GALNTL6: variants seen among roughly 807,000 people sequenced by gnomAD.
GALNTL6 encodes polypeptide N-acetylgalactosaminyltransferase-like 6.
Under a neutral mutation model 73.7 loss-of-function variants are expected in GALNTL6, and 46 were observed. That is an observed-to-expected ratio of 0.62 (90% CI 0.49 to 0.80). The LOEUF is 0.80. GALNTL6 is among the 30% of genes least tolerant of loss of function. The pLI, the probability that GALNTL6 is intolerant of heterozygous loss-of-function variation, is 0.00. For missense variants in GALNTL6, 604 were observed against 755.0 expected (o/e 0.80, Z 2.34); for synonymous variants, 259 against 263.7 (o/e 0.98, Z 0.17).
chr4:172,226,186 A>C (rs1256231760), intron 2 of GALNTL6, among the ~76,000 whole-genome samples: 1 of 152,154 alleles, frequency 6.6e-6, no homozygotes, highest in Non-Finnish European at 1.5e-5. Context: ...TTTTATTTTC[A>C]TTCTGTCATA....
intron 2 of GALNTL6, among the ~76,000 whole-genome samples, chr4:172,097,673 ATTGT>A (rs1233768237): frequency 6.6e-6 from 1 of 152,214 alleles, no homozygotes; most frequent in Non-Finnish European, 1.5e-5. Context: ...CTCTGAAGTC[ATTGT>A]TTGTTGAGCA....
intron 8 of GALNTL6, 72 bp downstream of exon 8, chr4:172,882,979 C>T: frequency 5.0e-6 from 4 of 798,428 alleles, no homozygotes; most frequent in Non-Finnish European, 8.4e-6. Context: ...CAGCATGTTG[C>T]TCTGTGACCT....
At chr4:171,932,223 C>G (rs779020646) in intron 2 of GALNTL6, among the ~76,000 whole-genome samples, 1 of 152,076 alleles carries the variant, frequency 6.6e-6, no homozygotes, top group African/African-American at 2.4e-5. Context: ...TAATAGAGTA[C>G]CTTTGATGGC....
At chr4:172,678,467 T>A (rs996354527) in intron 5 of GALNTL6, among the ~76,000 whole-genome samples, 3 of 152,084 alleles carry the variant, frequency 2.0e-5, no homozygotes, top group Non-Finnish European at 4.4e-5. Flanking sequence ...TGCCTCAGCC[T>A]CCCAGGTAGC....
intron 2 of GALNTL6, among the ~76,000 whole-genome samples, chr4:171,929,703 C>T (rs1738113880): frequency 6.6e-6 from 1 of 152,226 alleles, no homozygotes; most frequent in South Asian, 2.1e-4. Flanking sequence ...GCCCCATGCC[C>T]TGGCTGCCCT....
chr4:172,196,924 T>G (rs1406388843), intron 2 of GALNTL6, among the ~76,000 whole-genome samples: 1 of 152,172 alleles, frequency 6.6e-6, no homozygotes, highest in Non-Finnish European at 1.5e-5. Flanking sequence ...AACATAGTAT[T>G]GGAACTTCCC....
chr4:171,880,188 G>T lies in GALNTL6; in HGVS notation c.138+65470G>T, dbSNP rs569134702. Among the ~76,000 whole-genome samples the T allele has an allele frequency of 4.3e-4, 65 of 152,256 alleles. 1 individual carries two copies. The South Asian group carries it at 5.8e-3, about 14-fold the overall frequency. ...ACATTTCCCTTGGTCTTTGGTGTTT[G>T]TGTTCCTGAACCTCCTCTTGTTCAG... On this transcript the variant is annotated intron_variant, in intron 2 of 12. Coordinates refer to ENST00000506823, the MANE Select transcript of GALNTL6 (RefSeq NM_001034845.3).
chr4:172,584,082 G>T (rs1423052453), intron 5 of GALNTL6, among the ~76,000 whole-genome samples: 1 of 151,266 alleles, frequency 6.6e-6, no homozygotes, highest in African/African-American at 2.4e-5. Context: ...AGGCAACAAT[G>T]ATATAAAATA....
intron 2 of GALNTL6, among the ~76,000 whole-genome samples, chr4:172,125,761 C>T (rs1189427007): frequency 6.6e-6 from 1 of 152,062 alleles, no homozygotes; most frequent in South Asian, 2.1e-4. Context: ...TGTTTTTAAT[C>T]TACCTTACCA....
At chr4:171,918,471 G>T (rs1357501280) in intron 2 of GALNTL6, among the ~76,000 whole-genome samples, 1 of 152,062 alleles carries the variant, frequency 6.6e-6, no homozygotes, top group Admixed American at 6.6e-5. Context: ...GACACTAAGT[G>T]ATATCAGATG....
intron 2 of GALNTL6, among the ~76,000 whole-genome samples, chr4:172,192,502 C>T (rs893398124): frequency 1.3e-5 from 2 of 151,892 alleles, no homozygotes; most frequent in Admixed American, 1.3e-4. Flanking sequence ...TGGGGACTGA[C>T]TAGGCAGTCG....
intron 2 of GALNTL6, among the ~76,000 whole-genome samples, chr4:171,936,155 G>T (rs1465565417): frequency 6.6e-6 from 1 of 152,086 alleles, no homozygotes; most frequent in African/African-American, 2.4e-5. Flanking sequence ...TACTAATGTG[G>T]CTCATGGTGT....
intron 2 of GALNTL6, among the ~76,000 whole-genome samples, chr4:172,054,380 T>C (rs1288340495): frequency 6.6e-6 from 1 of 152,174 alleles, no homozygotes; most frequent in Non-Finnish European, 1.5e-5. Flanking sequence ...CAAAGTGTCT[T>C]AGTTTATTTA....
chr4:172,283,055 G>A (rs1561005114), intron 3 of GALNTL6, among the ~76,000 whole-genome samples: 2 of 152,166 alleles, frequency 1.3e-5, no homozygotes, highest in East Asian at 3.9e-4. Flanking sequence ...GTTTAATGAG[G>A]GGCATGTTAA....
At chr4:172,392,134 G>A (rs976672708) in intron 5 of GALNTL6, among the ~76,000 whole-genome samples, 1 of 151,952 alleles carries the variant, frequency 6.6e-6, no homozygotes, top group African/African-American at 2.4e-5. Flanking sequence ...GATTACAGGT[G>A]TACGCCACCA....
At chr4:172,723,624 T>C (rs1735619791) in intron 5 of GALNTL6, among the ~76,000 whole-genome samples, 1 of 152,200 alleles carries the variant, frequency 6.6e-6, no homozygotes, top group Non-Finnish European at 1.5e-5. Context: ...CCTTGAAGAA[T>C]GAATGGCTAA....
At chr4:172,064,338 A>G (rs1391193376) in intron 2 of GALNTL6, among the ~76,000 whole-genome samples, 2 of 152,138 alleles carry the variant, frequency 1.3e-5, no homozygotes, top group African/African-American at 2.4e-5. Flanking sequence ...TGCTGCATCA[A>G]TTTTGCAATG....
intron 10 of GALNTL6, among the ~76,000 whole-genome samples, chr4:172,978,650 A>G (rs192379793): frequency 6.6e-6 from 1 of 152,352 alleles, no homozygotes; most frequent in Admixed American, 6.5e-5. Flanking sequence ...CCATATTGAA[A>G]TAACTTCTAA....
At chr4:172,658,166 A>AAAAAAAAAG (rs1439296482) in intron 5 of GALNTL6, among the ~76,000 whole-genome samples, 1 of 120,384 alleles carries the variant, frequency 8.3e-6, no homozygotes, top group Non-Finnish European at 1.7e-5. Context: ...AAAAAAAAAA[A>AAAAAAAAAG]AAAGAAATAT....
Sources: gnomAD v4.1 joint callset for allele counts (sites outside exome capture counted in the v4.1 genomes callset) on GRCh38, gnomAD v4.1.1 for gene constraint, MANE v1.5 for transcripts, NCBI Gene and HGNC (gene_info 2026-07-23, HGNC 2026-07-21) for gene names.